Variants in HGSNAT observed in about 807,000 individuals in gnomAD.
The protein encoded by HGSNAT is heparan-alpha-glucosaminide N-acetyltransferase, also known as transmembrane protein 76.
A neutral mutation model predicts 85.2 loss-of-function variants in HGSNAT; 59 were observed. That is an observed-to-expected ratio of 0.69 (90% confidence interval 0.56 to 0.86). The LOEUF (loss-of-function observed/expected upper bound fraction) is 0.86, where lower values mean the gene tolerates loss of function less well. Among genes scored for constraint, HGSNAT ranks in the 40% least tolerant of loss-of-function variants. The pLI, the probability that HGSNAT is intolerant of heterozygous loss-of-function variation, is 0.00. For synonymous variants in HGSNAT, 321 were observed against 304.5 expected (o/e 1.05, Z -0.56); for missense variants, 756 against 777.1 (o/e 0.97, Z 0.32).
At chr8:43,178,636 A>G (rs1243077089) in intron 10 of HGSNAT, among the ~76,000 whole-genome samples, 1 of 66,454 alleles carries the variant, frequency 1.5e-5, no homozygotes, top group East Asian at 3.4e-4. Flanking sequence ...TTTATTTTTT[A>G]TTGATCATTC....
At chr8:43,149,573 G>A (rs1384567193) in intron 2 of HGSNAT, among the ~76,000 whole-genome samples, 3 of 151,778 alleles carry the variant, frequency 2.0e-5, no homozygotes, top group African/African-American at 4.8e-5. Context: ...GGTGGCGGGC[G>A]CCTGTAGTCC....
chr8:43,192,514 C>A, intron 13 of HGSNAT, 84 bp downstream of exon 13: 1 of 1,434,794 alleles, frequency 7.0e-7, no homozygotes. Context: ...AAACGTTAAA[C>A]CATGCCCATT....
chr8:43,198,701 T>C (rs1178810767), intron 17 of HGSNAT, among the ~76,000 whole-genome samples: 4 of 152,226 alleles, frequency 2.6e-5, no homozygotes, highest in Non-Finnish European at 5.9e-5. Flanking sequence ...TGGAATGATT[T>C]AGATGCAGTT....
intron 1 of HGSNAT, among the ~76,000 whole-genome samples, 176 bp downstream of exon 1, chr8:43,140,790 T>C (rs1330930390): frequency 6.6e-6 from 1 of 151,948 alleles, no homozygotes; most frequent in Non-Finnish European, 1.5e-5. Context: ...GAGGCCGGAC[T>C]TCGGGGTGCT....
chr8:43,155,624 C>T (rs1803066253), intron 2 of HGSNAT, among the ~76,000 whole-genome samples: 1 of 152,122 alleles, frequency 6.6e-6, no homozygotes, highest in Non-Finnish European at 1.5e-5. Flanking sequence ...TCTAGATTTG[C>T]TTCTGTTACC....
intron 2 of HGSNAT, among the ~76,000 whole-genome samples, chr8:43,150,446 A>G (rs1438999686): frequency 1.3e-5 from 2 of 152,110 alleles, no homozygotes; most frequent in Non-Finnish European, 2.9e-5. Context: ...GCAACAAAGT[A>G]AGTCCTCATC....
At chr8:43,192,765 A>C (rs1804582427) in intron 13 of HGSNAT, among the ~76,000 whole-genome samples, 1 of 152,108 alleles carries the variant, frequency 6.6e-6, no homozygotes, top group Non-Finnish European at 1.5e-5. Flanking sequence ...TGTAAGGAAA[A>C]AAAAAACAAA....
chr8:43,150,331 A>C (rs1802863964), intron 2 of HGSNAT, among the ~76,000 whole-genome samples: 1 of 152,116 alleles, frequency 6.6e-6, no homozygotes, highest in African/African-American at 2.4e-5. Context: ...ATATTGCTAA[A>C]AAAAGAAGAC....
At chr8:43,154,036 G>T (rs1266544318) in intron 2 of HGSNAT, among the ~76,000 whole-genome samples, 1 of 151,146 alleles carries the variant, frequency 6.6e-6, no homozygotes, top group Non-Finnish European at 1.5e-5. Flanking sequence ...TTGACAAACT[G>T]ATTTTCTTTT....
In HGSNAT at chr8:43,193,771, C is replaced by G. The variant is rs767972481; in HGVS notation, c.1392C>G (p.Thr464=). The change falls in exon 14 of 18, where the codon ACC becomes ACG. Residue 464 remains threonine (T), a synonymous_variant. Coordinates refer to ENST00000379644, the MANE Select transcript of HGSNAT (RefSeq NM_152419.3). ...TGTTTGTTAAGGTACTTTACCACACCGAGGTGGCCTATGACCCCGAGGGCA... is the reference window on the plus strand; with the variant it reads ...TGTTTGTTAAGGTACTTTACCACACGGAGGTGGCCTATGACCCCGAGGGCA... The part of the protein sequence containing the change: ...QHPSSAVLYH[T]EVAYDPEGIL... The G allele has an allele frequency of 6.2e-7, 1 of 1,612,840 alleles. No individual in the cohort carries two copies. Among genetic ancestry groups the G allele is most frequent in the East Asian group, 2.2e-5 (1 of 44,864 alleles).
chr8:43,197,103 A>G, intron 15 of HGSNAT, 78 bp downstream of exon 15: 1 of 965,540 alleles, frequency 1.0e-6, no homozygotes, highest in Non-Finnish European at 1.6e-6. Flanking sequence ...ATGTTTAGCA[A>G]CACTGAGCTA....
intron 11 of HGSNAT, among the ~76,000 whole-genome samples, chr8:43,190,132 A>G (rs781425266): frequency 1.3e-5 from 2 of 152,156 alleles, no homozygotes; most frequent in Non-Finnish European, 2.9e-5. Flanking sequence ...TTGCTTCTTT[A>G]TCAGAAGCAT....
At chr8:43,186,579 T>TA (rs1804320114) in intron 11 of HGSNAT, among the ~76,000 whole-genome samples, 4 of 152,296 alleles carry the variant, frequency 2.6e-5, no homozygotes, top group South Asian at 4.1e-4. Context: ...GTTGATCTTT[T>TA]AAAAAAACCA....
At chr8:43,154,080 A>C (rs1803009231) in intron 2 of HGSNAT, among the ~76,000 whole-genome samples, 1 of 151,974 alleles carries the variant, frequency 6.6e-6, no homozygotes, top group Non-Finnish European at 1.5e-5. Context: ...TGAAAATGAG[A>C]TTGATCTTTA....
chr8:43,190,757 G>C (rs1804500282), intron 11 of HGSNAT, among the ~76,000 whole-genome samples: 1 of 152,124 alleles, frequency 6.6e-6, no homozygotes, highest in African/African-American at 2.4e-5. Context: ...GTATATTGAT[G>C]TATAATTTAC....
intron 10 of HGSNAT, among the ~76,000 whole-genome samples, chr8:43,178,750 C>T (rs35190006): frequency 0.045 from 6,663 of 149,688 alleles, 192 homozygotes; most frequent in South Asian, 0.075. Flanking sequence ...GAGGACCCTG[C>T]GGCCTTGGCC....
intron 2 of HGSNAT, among the ~76,000 whole-genome samples, chr8:43,157,850 A>G (rs939189884): frequency 5.9e-5 from 9 of 152,100 alleles, no homozygotes; most frequent in African/African-American, 2.2e-4. Context: ...CATAATTTAT[A>G]TAGCAAAAAC....
At chr8:43,149,115 C>G (rs1563355386) in intron 2 of HGSNAT, among the ~76,000 whole-genome samples, 1 of 78,828 alleles carries the variant, frequency 1.3e-5, no homozygotes, top group African/African-American at 3.7e-5. Flanking sequence ...GACTCTGTCT[C>G]AAAAAATAAA....
chr8:43,196,375 C>T, intron 14 of HGSNAT: 1 of 906,512 alleles, frequency 1.1e-6, no homozygotes, highest in Middle Eastern at 2.5e-4. Context: ...TTAAATGTTT[C>T]CCTGCCTCCC....
Sources: allele counts gnomAD v4.1 joint callset (sites outside exome capture counted in the v4.1 genomes callset), GRCh38; gene constraint gnomAD v4.1.1; transcripts MANE v1.5; gene names NCBI Gene and HGNC (gene_info 2026-07-23, HGNC 2026-07-21).